The following STIL variants were observed in gnomAD, a reference collection of about 807,000 sequenced individuals.
STIL encodes STIL centriolar assembly protein, also known as SCL-interrupting locus protein.
A neutral mutation model predicts 110.1 loss-of-function variants in STIL; 55 were observed. The observed-to-expected ratio is 0.50, with a 90% CI of 0.40 to 0.63. STIL has a LOEUF of 0.63. STIL is among the 20% of genes least tolerant of loss of function. The pLI is 0.00. For synonymous variants in STIL, 481 were observed against 530.0 expected, an observed-to-expected ratio of 0.91 and a Z score of 1.27; for missense variants, 1,358 against 1,530.0, an observed-to-expected ratio of 0.89 and a Z score of 1.87.
chr1:47,307,623 A>AGTTTGAG (rs1240036040), intron 2 of STIL, among the ~76,000 whole-genome samples: 2 of 152,228 alleles, frequency 1.3e-5, no homozygotes, highest in East Asian at 3.8e-4. Context: ...CACAAATTGT[A>AGTTTGAG]CAGCATGTGT....
At chr1:47,265,131 G>A (rs1334943751) in intron 14 of STIL, among the ~76,000 whole-genome samples, 1 of 148,094 alleles carries the variant, frequency 6.8e-6, no homozygotes, top group Non-Finnish European at 1.5e-5. Context: ...AGCTACTTGA[G>A]AGGCTGAGGC....
At chr1:47,277,342 G>A (rs1301919194) in intron 12 of STIL, among the ~76,000 whole-genome samples, 1 of 152,190 alleles carries the variant, frequency 6.6e-6, no homozygotes, top group African/African-American at 2.4e-5. Flanking sequence ...AGAAAGACAA[G>A]CCAAGTCATA....
intron 14 of STIL, among the ~76,000 whole-genome samples, chr1:47,267,410 A>G (rs531160866): frequency 6.6e-6 from 1 of 152,284 alleles, no homozygotes; most frequent in South Asian, 2.1e-4. Context: ...TGCTGAGGAT[A>G]TAAATTACTT....
intron 8 of STIL, among the ~76,000 whole-genome samples, chr1:47,291,898 T>G (rs1305193448): frequency 6.6e-6 from 1 of 151,864 alleles, no homozygotes; most frequent in East Asian, 1.9e-4. Flanking sequence ...GTCTGTATTG[T>G]TCAGGCTGGA....
intron 12 of STIL, among the ~76,000 whole-genome samples, chr1:47,275,848 T>A (rs138350716): frequency 0.013 from 1,905 of 152,018 alleles, 41 homozygotes; most frequent in African/African-American, 0.043. Context: ...GCTGGTCTCA[T>A]ATTCCTGGGC....
At position 47,280,936 on chromosome 1, in the gene STIL, G is replaced by A. The variant is rs745872187; in HGVS notation, c.1522C>T (p.Pro508Ser). The change falls in exon 12 of 17, where the codon CCA becomes TCA. Residue 508 changes from proline to serine, a missense_variant. Pro to Ser is a moderately conservative substitution (Grantham distance 74). Coordinates refer to ENST00000371877, the MANE Select transcript of STIL (RefSeq NM_001048166.1). ...ALLRHCKVRQ[P>S]PAYKKGNPHT... is the part of the protein sequence containing the mutation. ...GGGTTCCCTTTCTTATAGGCAGGTG[G>A]CTGTCTTACTTTGCAGTGTCTCAAA... 13 of 1,614,082 alleles carry A rather than the reference G, an allele frequency of 8.1e-6. No individual in the cohort carries two copies. The highest frequency in any genetic ancestry group is 1.0e-5 in the Non-Finnish European group (12 of 1,180,016).
At position 47,281,041 on chromosome 1, in the gene STIL, TCTCATCATAAAG is replaced by T; in HGVS notation, c.1405_1416del (p.Leu469_Glu472del). 1 of 1,614,152 alleles carries T rather than the reference TCTCATCATAAAG, an allele frequency of 6.2e-7. No individual in the cohort carries two copies. The highest frequency in any genetic ancestry group is 1.1e-5 in the South Asian group (1 of 91,074). ...CCAGCTTCAACTTCTGGACTGTGTT[TCTCATCATAAAG>T]CTGGGGTTGCAATGGCTTCAAGTGT... On this transcript the variant is annotated inframe_deletion, in exon 12 of 17. Coordinates refer to ENST00000371877, the MANE Select transcript of STIL (RefSeq NM_001048166.1).
At chr1:47,299,551 C>T (rs1264832185) in intron 6 of STIL, among the ~76,000 whole-genome samples, 1 of 151,892 alleles carries the variant, frequency 6.6e-6, no homozygotes, top group African/African-American at 2.4e-5. Flanking sequence ...CACCACCACG[C>T]TCAGCTAATT....
intron 7 of STIL, among the ~76,000 whole-genome samples, chr1:47,294,372 C>T (rs1359481487): frequency 4.6e-5 from 7 of 152,236 alleles, no homozygotes; most frequent in African/African-American, 1.7e-4. Flanking sequence ...AACCTCAACA[C>T]ATTATCAAGC....
intron 13 of STIL, 76 bp downstream of exon 13, chr1:47,272,000 A>C: frequency 6.6e-7 from 1 of 1,517,534 alleles, no homozygotes; most frequent in Middle Eastern, 1.7e-4. Flanking sequence ...CACCAATTTG[A>C]ACATAAAATT....
At chr1:47,263,739 T>G (rs1644549102) in intron 14 of STIL, among the ~76,000 whole-genome samples, 1 of 137,452 alleles carries the variant, frequency 7.3e-6, no homozygotes, top group Admixed American at 8.2e-5. Flanking sequence ...ATTTGTTCAT[T>G]CCAAGTTTTT....
chr1:47,263,169 G>A, intron 14 of STIL, 53 bp from the exon 15 acceptor site: 1 of 1,515,590 alleles, frequency 6.6e-7, no homozygotes, highest in Non-Finnish European at 9.1e-7. Context: ...ACATATAATT[G>A]AAATGTAGTA....
chr1:47,259,972 C>T (rs984330115), intron 16 of STIL, among the ~76,000 whole-genome samples: 6 of 152,200 alleles, frequency 3.9e-5, no homozygotes, highest in African/African-American at 1.4e-4. Context: ...CCAAGCAAAA[C>T]TCCTTTCTCT....
intron 7 of STIL, among the ~76,000 whole-genome samples, chr1:47,294,728 CATTA>C (rs1488585615): frequency 6.6e-6 from 1 of 152,140 alleles, no homozygotes; most frequent in Non-Finnish European, 1.5e-5. Flanking sequence ...ACATAAATAT[CATTA>C]ATTACTACTC....
At chr1:47,278,625 G>T (rs1645056967) in intron 12 of STIL, among the ~76,000 whole-genome samples, 1 of 151,812 alleles carries the variant, frequency 6.6e-6, no homozygotes, top group Admixed American at 6.6e-5. Flanking sequence ...AAATATTTAG[G>T]TATATTCAAA....
intron 12 of STIL, among the ~76,000 whole-genome samples, chr1:47,275,902 C>T (rs1206611552): frequency 1.3e-5 from 2 of 152,112 alleles, no homozygotes; most frequent in African/African-American, 4.8e-5. Flanking sequence ...GCTGGGATTA[C>T]AGGCATGAGC....
chr1:47,272,598 C>A (rs531783566), intron 12 of STIL, among the ~76,000 whole-genome samples: 1 of 151,958 alleles, frequency 6.6e-6, no homozygotes, highest in Non-Finnish European at 1.5e-5. Context: ...GACAGCCATG[C>A]ACCACCATGC....
Position 47,251,589 on chromosome 1 carries a change from A to T in STIL, c.3414T>A (p.Asp1138Glu). The change falls in exon 17 of 17, where the codon GAT (aspartate) becomes GAA (glutamate). Residue 1138 changes from aspartate to glutamate, a missense_variant. Transcript: ENST00000371877. The stretch of plus-strand genomic sequence containing the variant: ...CTGCATTGTCGGGAGGTTCCTCTTC[A>T]TCTTCACTATTGTCACTGCTTTGTA... ...GLLQSSDNSE[D>E]EEEPPDNADS... 6.2e-7 allele frequency: 1 copy of T among 1,613,788 alleles called. No individual in the cohort carries two copies. Among genetic ancestry groups the T allele is most frequent in the Non-Finnish European group, 8.5e-7 (1 of 1,179,852 alleles).
intron 10 of STIL, among the ~76,000 whole-genome samples, chr1:47,285,020 CTTTT>C (rs35801422): frequency 8.2e-5 from 11 of 134,694 alleles, no homozygotes; most frequent in Admixed American, 6.2e-4. Context: ...CATTTTTTGT[CTTTT>C]TTTTTTTTTT....
Sources: allele counts gnomAD v4.1 joint callset (sites outside exome capture counted in the v4.1 genomes callset), GRCh38; gene constraint gnomAD v4.1.1; transcripts MANE v1.5; gene names NCBI Gene and HGNC (gene_info 2026-07-23, HGNC 2026-07-21).